OXR1: variants seen among roughly 807,000 people sequenced by gnomAD.
The protein encoded by OXR1 is oxidation resistance protein 1.
OXR1 carries 41 observed loss-of-function variants against 104.6 expected under a neutral mutation model. The observed-to-expected ratio is 0.39, with a 90% CI of 0.31 to 0.51. The LOEUF (loss-of-function observed/expected upper bound fraction) is 0.51. Among genes scored for constraint, OXR1 ranks in the 20% least tolerant of loss-of-function variants. The probability of loss-of-function intolerance (pLI) is 0.77; values close to 1 mark genes in which losing one functional copy is unlikely to be tolerated. For synonymous variants in OXR1, 348 were observed against 348.4 expected (o/e 1.00, Z 0.01); for missense variants, 955 against 1,031.9 (o/e 0.93, Z 1.02).
chr8:106,614,343 A>C (rs1406377727), intron 3 of OXR1, among the ~76,000 whole-genome samples: 1 of 152,244 alleles, frequency 6.6e-6, no homozygotes, highest in Non-Finnish European at 1.5e-5. Flanking sequence ...AACTTGGTCA[A>C]TCTACATGGT....
chr8:106,339,521 T>A (rs6993021), intron 1 of OXR1, among the ~76,000 whole-genome samples: 960 of 11,026 alleles, frequency 0.087, 69 homozygotes, highest in Middle Eastern at 0.38. Flanking sequence ...AAAAAAAAAA[T>A]ATATATATAT....
chr8:106,532,363 T>A (rs1814163152), intron 3 of OXR1, among the ~76,000 whole-genome samples: 1 of 152,216 alleles, frequency 6.6e-6, no homozygotes, highest in South Asian at 2.1e-4. Flanking sequence ...ACAATTGGAT[T>A]TGGATCCTAC....
chr8:106,673,338 A>G (rs1226890857), intron 3 of OXR1, among the ~76,000 whole-genome samples: 2 of 152,172 alleles, frequency 1.3e-5, no homozygotes, highest in African/African-American at 4.8e-5. Context: ...AGAACGTGAG[A>G]GAGATGAAAT....
chr8:106,749,962 A>G (rs968568606), intron 16 of OXR1, among the ~76,000 whole-genome samples: 2 of 152,024 alleles, frequency 1.3e-5, no homozygotes, highest in African/African-American at 4.8e-5. Flanking sequence ...TCAACATCAC[A>G]TATTTGTCCA....
chr8:106,605,146 C>A (rs1820271937), intron 3 of OXR1: 1 of 152,158 alleles, frequency 6.6e-6, no homozygotes, highest in Non-Finnish European at 1.5e-5. Context: ...ATGTGGCTGA[C>A]AAGATGCCAC....
In OXR1 at chr8:106,301,574, G is replaced by T. The variant is rs536105564; in HGVS notation, c.-139+31207G>T. On this transcript the variant is annotated intron_variant, in intron 1 of 16. Coordinates refer to ENST00000517566, the MANE Select transcript of OXR1 (RefSeq NM_001198533.2). ...TCTGAATCCCTGCTGTGATGCCCTT[G>T]TTAGCAAATTTTATCCAATCAAGAC... is the stretch of plus-strand genomic sequence containing the variant. Among the ~76,000 whole-genome samples the T allele has an allele frequency of 6.6e-5, 10 of 152,278 alleles. No individual in the cohort carries two copies. The South Asian group carries it at 2.1e-3, about 32-fold the overall frequency.
At chr8:106,689,705 TA>T (rs959984337) in intron 6 of OXR1, among the ~76,000 whole-genome samples, 5 of 152,000 alleles carry the variant, frequency 3.3e-5, no homozygotes, top group African/African-American at 1.2e-4. Flanking sequence ...TAATTTCTCA[TA>T]GGGTTTTGGG....
chr8:106,593,349 A>G (rs1480336190), intron 3 of OXR1, among the ~76,000 whole-genome samples: 1 of 152,176 alleles, frequency 6.6e-6, no homozygotes, highest in East Asian at 1.9e-4. Flanking sequence ...TTTTTGTCTA[A>G]TTTGTATAGA....
chr8:106,318,774 C>G (rs1012998162), intron 1 of OXR1, among the ~76,000 whole-genome samples: 3 of 152,084 alleles, frequency 2.0e-5, no homozygotes, highest in Admixed American at 6.5e-5. Flanking sequence ...TGCTTTTCTG[C>G]TAGTTTCTTA....
intron 3 of OXR1, among the ~76,000 whole-genome samples, chr8:106,668,686 A>G (rs903986918): frequency 6.6e-5 from 10 of 152,224 alleles, no homozygotes; most frequent in South Asian, 4.1e-4. Context: ...ACAGGAAGGA[A>G]TACAGGCTTA....
intron 2 of OXR1, among the ~76,000 whole-genome samples, chr8:106,393,803 T>C (rs1817673883): frequency 6.6e-6 from 1 of 152,062 alleles, no homozygotes; most frequent in Admixed American, 6.6e-5. Flanking sequence ...ATATATATGA[T>C]TTTGGTATCA....
intron 3 of OXR1, among the ~76,000 whole-genome samples, chr8:106,542,077 G>T (rs1343268724): frequency 3.3e-5 from 5 of 152,130 alleles, no homozygotes; most frequent in African/African-American, 1.2e-4. Context: ...TACAAAAGCT[G>T]TGCTCCATGT....
intron 2 of OXR1, among the ~76,000 whole-genome samples, chr8:106,408,100 C>T (rs771086423): frequency 1.3e-5 from 2 of 152,180 alleles, no homozygotes; most frequent in African/African-American, 2.4e-5. Flanking sequence ...CTGCAATGCA[C>T]AGGACGGCCC....
At chr8:106,654,960 T>C (rs925064265) in intron 3 of OXR1, among the ~76,000 whole-genome samples, 2 of 152,210 alleles carry the variant, frequency 1.3e-5, no homozygotes, top group African/African-American at 4.8e-5. Context: ...TTATACAAAG[T>C]AATGTTATTT....
intron 3 of OXR1, among the ~76,000 whole-genome samples, chr8:106,667,363 GTTA>G (rs1358344609): frequency 6.6e-6 from 1 of 152,150 alleles, no homozygotes; most frequent in East Asian, 1.9e-4. Flanking sequence ...AATTTAGCAG[GTTA>G]TTATTTATTT....
At chr8:106,297,437 C>T (rs918176389) in intron 1 of OXR1, among the ~76,000 whole-genome samples, 2 of 152,048 alleles carry the variant, frequency 1.3e-5, no homozygotes, top group Admixed American at 6.5e-5. Flanking sequence ...AGTGTGCTTA[C>T]ACAAACCTAG....
intron 1 of OXR1, among the ~76,000 whole-genome samples, chr8:106,336,383 T>C (rs902842031): frequency 2.4e-4 from 37 of 152,172 alleles, no homozygotes; most frequent in African/African-American, 7.7e-4. Context: ...AGAGACTTGA[T>C]TGTGTTCCAT....
At chr8:106,535,378 C>T (rs1814432944) in intron 3 of OXR1, among the ~76,000 whole-genome samples, 1 of 152,120 alleles carries the variant, frequency 6.6e-6, no homozygotes, top group Non-Finnish European at 1.5e-5. Flanking sequence ...TGGACAGCTG[C>T]CCTACTCCCC....
intron 3 of OXR1, among the ~76,000 whole-genome samples, chr8:106,626,857 A>G (rs1476813865): frequency 6.6e-6 from 1 of 151,342 alleles, no homozygotes; most frequent in Admixed American, 6.6e-5. Context: ...CATATTTTAA[A>G]TGCATCATGA....
Sources: allele counts gnomAD v4.1 joint callset (sites outside exome capture counted in the v4.1 genomes callset), GRCh38; gene constraint gnomAD v4.1.1; transcripts MANE v1.5; gene names NCBI Gene and HGNC (gene_info 2026-07-23, HGNC 2026-07-21).